Variants in YAF2 observed in about 807,000 individuals in gnomAD.
YAF2 encodes YY1 associated factor 2.
A neutral mutation model predicts 20.1 loss-of-function variants in YAF2; 7 were observed. That is an observed-to-expected ratio of 0.35 (90% CI 0.20 to 0.65). The LOEUF is 0.65. Among genes scored for constraint, YAF2 ranks in the 30% least tolerant of loss-of-function variants. YAF2 has a pLI of 0.69. For missense variants in YAF2, 151 were observed against 219.2 expected (o/e 0.69, Z 1.96); for synonymous variants, 74 against 76.0 (o/e 0.97, Z 0.14).
At chr12:42,172,043 A>G (rs1309637946) in intron 2 of YAF2, 1 of 152,186 alleles carries the variant, frequency 6.6e-6, no homozygotes, top group East Asian at 1.9e-4. Flanking sequence ...CATTAATGCT[A>G]TCTGTTTTTT....
At chr12:42,200,967 C>T (rs1381161657) in intron 2 of YAF2, among the ~76,000 whole-genome samples, 2 of 152,118 alleles carry the variant, frequency 1.3e-5, no homozygotes, top group Admixed American at 6.5e-5. Flanking sequence ...TCTGACTTTT[C>T]ATGAGGATTA....
intron 2 of YAF2, among the ~76,000 whole-genome samples, chr12:42,197,493 GGTAA>G (rs561620454): frequency 6.6e-5 from 10 of 152,232 alleles, no homozygotes; most frequent in African/African-American, 2.2e-4. Context: ...TATTCTCAGG[GGTAA>G]GTAACAGCTA....
chr12:42,161,498 T>C (rs1666457233), intron 3 of YAF2, 115 bp downstream of exon 3: 5 of 1,214,648 alleles, frequency 4.1e-6, no homozygotes, highest in Admixed American at 3.3e-5. Flanking sequence ...TGATACCTTA[T>C]AATAAAGGAG....
At chr12:42,161,328 T>C (rs992660295) in intron 3 of YAF2, 39 of 284,374 alleles carry the variant, frequency 1.4e-4, no homozygotes, top group African/African-American at 7.0e-4. Context: ...CTGGTTCAAA[T>C]AGCTCTTCTT....
At chr12:42,199,516 C>T (rs529263851) in intron 2 of YAF2, 20 of 195,402 alleles carry the variant, frequency 1.0e-4, no homozygotes, top group Non-Finnish European at 2.1e-4. Context: ...ACCTTTCTCA[C>T]TAGGATGAAA....
chr12:42,224,198 C>T (rs1451209074), intron 2 of YAF2, among the ~76,000 whole-genome samples: 1 of 152,028 alleles, frequency 6.6e-6, no homozygotes, highest in East Asian at 1.9e-4. Context: ...GAATTCAAAC[C>T]CTTAAAGGCT....
Position 42,188,198 on chromosome 12 carries a change from G to A in YAF2, c.153-26433C>T, listed in dbSNP as rs79098845. ...GTGAAAAGACAGTGGTTTCTGGCAC[G>A]GGAAAGGGGAATACAGAAGAGAGAA... On this transcript the variant is annotated intron_variant, in intron 2 of 3. Transcript: ENST00000534854. 9.0e-3 allele frequency among the ~76,000 whole-genome samples: 1,362 copies of A among 152,122 alleles called. 41 individuals carry two copies. The highest frequency in any genetic ancestry group is 0.085 in the East Asian group (442 of 5,184).
intron 2 of YAF2, among the ~76,000 whole-genome samples, chr12:42,186,578 G>A (rs1030979160): frequency 3.9e-5 from 6 of 151,916 alleles, no homozygotes; most frequent in Non-Finnish European, 5.9e-5. Context: ...TTGGAAGGCT[G>A]TGAAAGGAGA....
intron 2 of YAF2, among the ~76,000 whole-genome samples, chr12:42,173,913 C>T (rs924219006): frequency 5.3e-5 from 8 of 152,060 alleles, no homozygotes; most frequent in East Asian, 3.9e-4. Flanking sequence ...CCATCTGTAC[C>T]GACATAGTCT....
Position 42,157,672 on chromosome 12 carries a change from T to C in YAF2, c.*2917A>G, listed in dbSNP as rs533167728. ...CACTTTGTCTATTATCCACTATCAT[T>C]TTAGGAAAGCATTTAATAAAAATAA... On this transcript the variant is annotated 3_prime_UTR_variant, in exon 4 of 4. Coordinates refer to ENST00000534854, the MANE Select transcript of YAF2 (RefSeq NM_005748.6). 5 of 152,312 alleles carry C rather than the reference T, an allele frequency of 3.3e-5. No individual in the cohort carries two copies. The highest frequency in any genetic ancestry group is 1.2e-4 in the African/African-American group (5 of 41,568). The allele number at this position is 152,312 out of a possible 1,614,324, so 9.4% of individuals were successfully genotyped here. A position where few individuals can be genotyped will look rare whatever the true frequency, so the allele number is the denominator to read the frequency against.
intron 2 of YAF2, among the ~76,000 whole-genome samples, chr12:42,217,022 C>A (rs557031314): frequency 4.5e-4 from 69 of 152,316 alleles, no homozygotes; most frequent in Admixed American, 1.3e-3. Context: ...ATCTGGCATT[C>A]CCCTTGTTCA....
At chr12:42,204,966 A>G (rs151087769) in intron 2 of YAF2, among the ~76,000 whole-genome samples, 178 of 152,238 alleles carry the variant, frequency 1.2e-3, no homozygotes, top group African/African-American at 3.1e-3. Flanking sequence ...ATTCTTGGCA[A>G]AACTCTGTAA....
chr12:42,210,314 G>A (rs964076598), intron 2 of YAF2: 8 of 1,382,954 alleles, frequency 5.8e-6, no homozygotes, highest in Non-Finnish European at 7.8e-6. Flanking sequence ...AAAATTTGGG[G>A]GGAAAAAAAA....
chr12:42,160,858 C>A (rs2065783905), intron 3 of YAF2, 32 bp from the exon 4 acceptor site: 1 of 1,545,160 alleles, frequency 6.5e-7, no homozygotes, highest in South Asian at 1.2e-5. Context: ...TTTAAACTAG[C>A]TTTTCCCTCT....
chr12:42,203,302 T>TGCTGACCTTGTATCCAGCAAC (rs1475749582), intron 2 of YAF2, among the ~76,000 whole-genome samples: 1 of 152,222 alleles, frequency 6.6e-6, no homozygotes, highest in Non-Finnish European at 1.5e-5. Context: ...CTAGTTTGAA[T>TGCTGACCTTGTATCCAGCAAC]GCTGACCTTG....
intron 2 of YAF2, among the ~76,000 whole-genome samples, chr12:42,209,829 G>A (rs748269027): frequency 3.3e-5 from 5 of 152,052 alleles, no homozygotes; most frequent in South Asian, 2.1e-4. Flanking sequence ...ACAGAGTTTC[G>A]CTCTTGTTGC....
chr12:42,210,726 AC>A, intron 2 of YAF2: 2 of 1,486,066 alleles, frequency 1.3e-6, no homozygotes, highest in Non-Finnish European at 1.8e-6. Flanking sequence ...GATTATTATC[AC>A]ACGTAGAACT....
chr12:42,192,958 C>T (rs2066652982), intron 2 of YAF2, among the ~76,000 whole-genome samples: 1 of 152,172 alleles, frequency 6.6e-6, no homozygotes, highest in Non-Finnish European at 1.5e-5. Flanking sequence ...TCACATAGTA[C>T]TCATGTGTTT....
intron 2 of YAF2, among the ~76,000 whole-genome samples, chr12:42,221,528 C>T (rs1002159741): frequency 1.3e-5 from 2 of 152,090 alleles, no homozygotes; most frequent in East Asian, 1.9e-4. Flanking sequence ...CACTGCACTC[C>T]GGCCTGGGTG....
Sources: allele counts gnomAD v4.1 joint callset (sites outside exome capture counted in the v4.1 genomes callset), GRCh38; gene constraint gnomAD v4.1.1; transcripts MANE v1.5; gene names NCBI Gene and HGNC (gene_info 2026-07-23, HGNC 2026-07-21).